MAN1C1: variants seen among roughly 807,000 people sequenced by gnomAD.
The protein encoded by MAN1C1 is mannosyl-oligosaccharide 1,2-alpha-mannosidase IC.
Under a neutral mutation model 71.5 loss-of-function variants are expected in MAN1C1, and 49 were observed. That is an observed-to-expected ratio of 0.69 (90% CI 0.54 to 0.87). The LOEUF is 0.87. Ranked by LOEUF, MAN1C1 falls within the 40% of genes least tolerant of loss-of-function variation. The pLI is 0.00. For synonymous variants in MAN1C1, 352 were observed against 343.7 expected, an observed-to-expected ratio of 1.02 and a Z score of -0.27; for missense variants, 743 against 835.0, an observed-to-expected ratio of 0.89 and a Z score of 1.36.
At position 25,769,741 on chromosome 1, in the gene MAN1C1, C is replaced by T. The variant is rs2047520728; in HGVS notation, c.1142-1916C>T. Among the ~76,000 whole-genome samples, 1 of 152,214 alleles carries T rather than the reference C, an allele frequency of 6.6e-6. No homozygotes were observed. Among genetic ancestry groups the T allele is most frequent in the Admixed American group, 6.5e-5 (1 of 15,290 alleles). ...ACAGAGCGGGAGTCGCATGCAATCC[C>T]TCCCCACAAAGAGCCCACGAGCTAG... On this transcript the variant is annotated intron_variant, in intron 7 of 11. Coordinates refer to ENST00000374332, the MANE Select transcript of MAN1C1 (RefSeq NM_020379.4). This position sits in a 1 kb window ranked among gnomAD's most constrained non-coding sequence, Gnocchi z 4.8.
At chr1:25,698,950 A>G (rs1018565172) in intron 2 of MAN1C1, among the ~76,000 whole-genome samples, 7 of 123,226 alleles carry the variant, frequency 5.7e-5, no homozygotes, top group East Asian at 3.1e-4. Context: ...TCTGTCTTGG[A>G]AAAAAAAAAA....
chr1:25,759,082 A>G (rs1051675571), intron 6 of MAN1C1: 5 of 228,398 alleles, frequency 2.2e-5, no homozygotes, highest in Non-Finnish European at 4.4e-5. Context: ...CCACTGCAGA[A>G]GTCCCCTTTC....
intron 1 of MAN1C1, among the ~76,000 whole-genome samples, chr1:25,676,284 G>A (rs191164391): frequency 2.7e-4 from 41 of 152,214 alleles, no homozygotes; most frequent in Admixed American, 7.8e-4. Context: ...TCAATAGCTT[G>A]AGTAAACCCG....
intron 2 of MAN1C1, among the ~76,000 whole-genome samples, chr1:25,726,183 C>T (rs1489600791): frequency 6.6e-6 from 1 of 152,194 alleles, no homozygotes; most frequent in Non-Finnish European, 1.5e-5. Context: ...CAGAGCTTGT[C>T]TGGAATGCAG....
chr1:25,691,623 G>T (rs1249585744), intron 2 of MAN1C1, among the ~76,000 whole-genome samples: 4 of 152,214 alleles, frequency 2.6e-5, no homozygotes, highest in African/African-American at 7.2e-5. Context: ...TTTTGATTGG[G>T]GTGGGCGTCC....
At chr1:25,656,545 G>A (rs573467793) in intron 1 of MAN1C1, among the ~76,000 whole-genome samples, 1 of 152,310 alleles carries the variant, frequency 6.6e-6, no homozygotes, top group East Asian at 1.9e-4. Context: ...TCAGCTTCAT[G>A]TTTGGATAAA....
chr1:25,679,556 G>T, intron 1 of MAN1C1, among the ~76,000 whole-genome samples: 1 of 132,170 alleles, frequency 7.6e-6, no homozygotes. Context: ...TCCTAAATGA[G>T]TTAAAAAAAA....
intron 2 of MAN1C1, among the ~76,000 whole-genome samples, chr1:25,734,193 A>G (rs61030256): frequency 0.018 from 2,672 of 152,262 alleles, 69 homozygotes; most frequent in African/African-American, 0.061. Flanking sequence ...CAGTAGCGCA[A>G]TCACGGCTCA....
intron 2 of MAN1C1, among the ~76,000 whole-genome samples, chr1:25,708,747 G>C (rs902422065): frequency 1.3e-5 from 2 of 152,198 alleles, no homozygotes; most frequent in African/African-American, 4.8e-5. Flanking sequence ...TAGTTGGGCA[G>C]TTGCTGCGCT....
chr1:25,757,117 A>G (rs1572198825), intron 5 of MAN1C1, among the ~76,000 whole-genome samples: 2 of 152,110 alleles, frequency 1.3e-5, no homozygotes, highest in African/African-American at 4.8e-5. Flanking sequence ...CCAAGAATGG[A>G]GTTTAGAGAG....
In MAN1C1 at chr1:25,711,407, T is replaced by G. The variant is rs1321535843; in HGVS notation, c.637+24871T>G. Reference sequence around the variant, plus strand: ...CCTTCCCACTCAGACATCTCTAAAGTCAAATCGCTCATGGATGGGTCAGTG... The same window carrying G: ...CCTTCCCACTCAGACATCTCTAAAGGCAAATCGCTCATGGATGGGTCAGTG... On this transcript the variant is annotated intron_variant, in intron 2 of 11. Transcript: ENST00000374332. The surrounding 1 kb of genome is among the most constrained non-coding windows in gnomAD (Gnocchi z 4.3). Among the ~76,000 whole-genome samples the G allele has an allele frequency of 6.6e-6, 1 of 152,126 alleles. No homozygotes were observed. The highest frequency in any genetic ancestry group is 1.5e-5 in the Non-Finnish European group (1 of 68,018).
rs746491114 is a variant in MAN1C1 at position 25,782,543 on chromosome 1, C to G, written c.1651-42C>G. ...CAAGTCTTGAGGGGCCTTTCCTGTCCCGTGTTAAGGCTGTTTTCCTCCTCC... is the reference window on the plus strand; with the variant it reads ...CAAGTCTTGAGGGGCCTTTCCTGTCGCGTGTTAAGGCTGTTTTCCTCCTCC... On this transcript the variant is annotated intron_variant, in intron 10 of 11. Coordinates refer to ENST00000374332, the MANE Select transcript of MAN1C1 (RefSeq NM_020379.4). The surrounding 1 kb of genome is among the most constrained non-coding windows in gnomAD (Gnocchi z 4.4). The G allele has an allele frequency of 1.5e-5, 21 of 1,393,770 alleles. No homozygotes were observed. In the South Asian group the frequency reaches 2.4e-4, roughly 16 times the overall value. The allele number at this position is 1,393,770 out of a possible 1,614,324, so 86.3% of individuals were successfully genotyped here. A position where few individuals can be genotyped will look rare whatever the true frequency, so the allele number is the denominator to read the frequency against.
At chr1:25,662,919 T>C (rs139447476) in intron 1 of MAN1C1, among the ~76,000 whole-genome samples, 3,020 of 151,750 alleles carry the variant, frequency 0.02, 103 homozygotes, top group African/African-American at 0.069. Flanking sequence ...ATTAGCTGGG[T>C]GTGATGGCAG....
At chr1:25,666,716 A>C (rs1016251023) in intron 1 of MAN1C1, among the ~76,000 whole-genome samples, 1 of 152,206 alleles carries the variant, frequency 6.6e-6, no homozygotes, top group Non-Finnish European at 1.5e-5. Context: ...TTCCTCCTTT[A>C]TACAAAACAT....
At chr1:25,662,712 G>C (rs915516825) in intron 1 of MAN1C1, among the ~76,000 whole-genome samples, 2 of 152,036 alleles carry the variant, frequency 1.3e-5, no homozygotes, top group Non-Finnish European at 2.9e-5. Context: ...CAGGAGGATT[G>C]CTTGAGCCCA....
At chr1:25,749,960 C>G (rs1404996889) in intron 4 of MAN1C1, among the ~76,000 whole-genome samples, 1 of 152,238 alleles carries the variant, frequency 6.6e-6, no homozygotes, top group Non-Finnish European at 1.5e-5. Flanking sequence ...GCCTTGCCCC[C>G]AGGTGAGCTG....
chr1:25,704,243 A>G (rs2046487095), intron 2 of MAN1C1, among the ~76,000 whole-genome samples: 1 of 152,172 alleles, frequency 6.6e-6, no homozygotes. Flanking sequence ...TTTGTGAGGT[A>G]AGTTGGACTT....
At chr1:25,729,452 G>T (rs1572178974) in intron 2 of MAN1C1, among the ~76,000 whole-genome samples, 1 of 152,064 alleles carries the variant, frequency 6.6e-6, no homozygotes, top group African/African-American at 2.4e-5. Flanking sequence ...AGCCTACAAG[G>T]CAGGCGTCCC....
intron 2 of MAN1C1, among the ~76,000 whole-genome samples, chr1:25,695,144 G>A (rs750963284): frequency 6.6e-6 from 1 of 152,068 alleles, no homozygotes; most frequent in Non-Finnish European, 1.5e-5. Context: ...GGGCTATGTT[G>A]CTCACTGATT....
Sources: allele counts gnomAD v4.1 joint callset (sites outside exome capture counted in the v4.1 genomes callset), GRCh38; gene constraint gnomAD v4.1.1; non-coding constraint Gnocchi (gnomAD v3.1); transcripts MANE v1.5; gene names NCBI Gene and HGNC (gene_info 2026-07-23, HGNC 2026-07-21).